The following LURAP1 variants were observed in gnomAD, a reference collection of about 807,000 sequenced individuals.
The protein encoded by LURAP1 is leucine rich adaptor protein 1.
In LURAP1, 14 loss-of-function variants were observed where a neutral mutation model predicts 19.0. The observed-to-expected ratio is 0.74, with a 90% CI of 0.49 to 1.15. The LOEUF is 1.15. LURAP1 is among the 50% of genes most tolerant of loss of function. LURAP1 has a pLI of 0.00. For synonymous variants in LURAP1, 129 were observed against 131.8 expected, an observed-to-expected ratio of 0.98 and a Z score of 0.14; for missense variants, 273 against 309.1, an observed-to-expected ratio of 0.88 and a Z score of 0.87.
At chr1:46,209,889 C>A (rs2148242312) in intron 1 of LURAP1, among the ~76,000 whole-genome samples, 2 of 152,232 alleles carry the variant, frequency 1.3e-5, no homozygotes, top group Middle Eastern at 6.8e-3. Flanking sequence ...GAGGGGAAAA[C>A]AGCAGGACAA....
At chr1:46,209,795 G>A (rs1441768260) in intron 1 of LURAP1, among the ~76,000 whole-genome samples, 1 of 152,078 alleles carries the variant, frequency 6.6e-6, no homozygotes, top group Non-Finnish European at 1.5e-5. Flanking sequence ...ACAAGCATGA[G>A]CCACCATGCA....
rs200199469 is a variant in LURAP1 at position 46,203,553 on chromosome 1, C to A, written c.127C>A (p.Leu43Met). 43 of 1,568,970 alleles carry A rather than the reference C, an allele frequency of 2.7e-5. No homozygotes were observed. The highest frequency in any genetic ancestry group is 2.7e-4 in the Admixed American group (14 of 52,190). ...GECELGTSGALLLPGASSTGH... is the reference protein window; with the variant it reads ...GECELGTSGAMLLPGASSTGH... ...GTGTGAGCTGGGAACCTCTGGCGCC[C>A]TGCTGCTCCCAGGGGCGTCTAGCAC... is the stretch of plus-strand genomic sequence containing the variant. Residue 43 changes from leucine to methionine, a missense_variant, in exon 1 of 2, where the codon CTG (leucine) becomes ATG (methionine). Leu to Met is a conservative substitution (Grantham distance 15). Coordinates refer to ENST00000371980, the MANE Select transcript of LURAP1 (RefSeq NM_001013615.3).
At chr1:46,215,864 C>T (rs1433088533) in intron 1 of LURAP1, among the ~76,000 whole-genome samples, 2 of 152,238 alleles carry the variant, frequency 1.3e-5, no homozygotes, top group East Asian at 1.9e-4. Context: ...GCCACCACTG[C>T]ACTCCAGCCT....
chr1:46,203,448 C>G lies in LURAP1; in HGVS notation c.22C>G (p.Gln8Glu). The stretch of plus-strand genomic sequence containing the variant: ...CCGCATGGAGGGGACCGTGGAGTCC[C>G]AGACGCCTGACCTGCGGGATGTGGA... The part of the protein sequence containing the change: MEGTVES[Q>E]TPDLRDVEGK... Residue 8 changes from glutamine to glutamate, a missense_variant, in exon 1 of 2, where the codon CAG becomes GAG. Transcript: ENST00000371980. The G allele has an allele frequency of 1.3e-6, 2 of 1,489,456 alleles. No individual in the cohort carries two copies. The highest frequency in any genetic ancestry group is 1.8e-6 in the Non-Finnish European group (2 of 1,120,110). 92.3% of individuals were successfully genotyped at this position (1,489,456 alleles called of 1,614,324 possible).
intron 1 of LURAP1, among the ~76,000 whole-genome samples, chr1:46,212,168 A>G (rs1435755098): frequency 6.6e-6 from 1 of 152,190 alleles, no homozygotes; most frequent in Non-Finnish European, 1.5e-5. Flanking sequence ...TACAAAAAAC[A>G]TTTACTGTGT....
In LURAP1 at chr1:46,208,900, G is replaced by C. The variant is rs188966765; in HGVS notation, c.198+5276G>C. Among the ~76,000 whole-genome samples, 374 of 152,238 alleles carry C rather than the reference G, an allele frequency of 2.5e-3. 1 individual carries two copies. Among genetic ancestry groups the C allele is most frequent in the African/African-American group, 8.7e-3 (363 of 41,550 alleles). ...AGGCATGAAGCCGTTATGACAATGA[G>C]AATAAGAGACAAGGTAATAGGAACA... is the stretch of plus-strand genomic sequence containing the variant. On this transcript the variant is annotated intron_variant, in intron 1 of 1. Coordinates refer to ENST00000371980, the MANE Select transcript of LURAP1 (RefSeq NM_001013615.3).
chr1:46,214,056 C>T (rs1658984723), intron 1 of LURAP1, among the ~76,000 whole-genome samples: 1 of 151,920 alleles, frequency 6.6e-6, no homozygotes, highest in South Asian at 2.1e-4. Context: ...TAGGAAAAAG[C>T]AACTTGAGGC....
intron 1 of LURAP1, among the ~76,000 whole-genome samples, chr1:46,216,359 T>C (rs1659071051): frequency 6.6e-6 from 1 of 151,852 alleles, no homozygotes; most frequent in African/African-American, 2.4e-5. Context: ...TTTTATCTTA[T>C]TTGAGAGAAA....
intron 1 of LURAP1, among the ~76,000 whole-genome samples, chr1:46,216,983 T>C (rs569377501): frequency 6.6e-6 from 1 of 152,328 alleles, no homozygotes; most frequent in South Asian, 2.1e-4. Context: ...TTATATCTTA[T>C]GGATGTGTAA....
At chr1:46,205,190 G>A (rs1658672592) in intron 1 of LURAP1, among the ~76,000 whole-genome samples, 1 of 152,160 alleles carries the variant, frequency 6.6e-6, no homozygotes, top group Non-Finnish European at 1.5e-5. Flanking sequence ...CCCAGGAAGA[G>A]GAGGTTGCAG....
chr1:46,217,117 A>C (rs987231705), intron 1 of LURAP1, among the ~76,000 whole-genome samples: 1 of 152,236 alleles, frequency 6.6e-6, no homozygotes, highest in African/African-American at 2.4e-5. Flanking sequence ...AAGATATGGA[A>C]TCTAAGAAAC....
chr1:46,207,009 A>G (rs1347905489), intron 1 of LURAP1, among the ~76,000 whole-genome samples: 1 of 152,102 alleles, frequency 6.6e-6, no homozygotes, highest in African/African-American at 2.4e-5. Context: ...GTCGATTTCA[A>G]ATTGGAAGGA....
intron 1 of LURAP1, among the ~76,000 whole-genome samples, chr1:46,213,718 T>C (rs1658975182): frequency 6.6e-6 from 1 of 152,064 alleles, no homozygotes; most frequent in Admixed American, 6.6e-5. Context: ...AGACTTTGTC[T>C]CTACAAAAAC....
At chr1:46,211,439 G>GCACACATACA (rs764949785) in intron 1 of LURAP1, among the ~76,000 whole-genome samples, 1,226 of 79,028 alleles carry the variant, frequency 0.016, 19 homozygotes, top group East Asian at 0.051. Context: ...ATGAAAACCT[G>GCACACATACA]CACACACACA....
intron 1 of LURAP1, among the ~76,000 whole-genome samples, chr1:46,218,625 G>C (rs1261538384): frequency 6.6e-6 from 1 of 152,200 alleles, no homozygotes; most frequent in East Asian, 1.9e-4. Flanking sequence ...GCAGTGCAAT[G>C]CCTATAAAGG....
chr1:46,220,365 G>GGGACTAGAGAAA lies in LURAP1; in HGVS notation c.*145_*146insGGACTAGAGAAA. 1.2e-6 allele frequency: 1 copy of GGGACTAGAGAAA among 823,420 alleles called. No homozygotes were observed. The highest frequency in any genetic ancestry group is 1.9e-6 in the Non-Finnish European group (1 of 534,972). The allele number at this position is 823,420 out of a possible 1,614,324, so 51.0% of individuals were successfully genotyped here. On this transcript the variant is annotated 3_prime_UTR_variant, in exon 2 of 2. Coordinates refer to ENST00000371980, the MANE Select transcript of LURAP1 (RefSeq NM_001013615.3). ...GGAAACCTGGCTCATCATTTCTCTA[G>GGGACTAGAGAAA]TCCCTAGGGAGTCTCTGCCTTTATC...
At chr1:46,208,993 C>A (rs984614286) in intron 1 of LURAP1, among the ~76,000 whole-genome samples, 1 of 152,126 alleles carries the variant, frequency 6.6e-6, no homozygotes, top group Non-Finnish European at 1.5e-5. Context: ...TGCTCAGTCC[C>A]GAGCCAGCAG....
chr1:46,208,234 C>T (rs149876597), intron 1 of LURAP1, among the ~76,000 whole-genome samples: 102 of 152,172 alleles, frequency 6.7e-4, no homozygotes, highest in African/African-American at 2.3e-3. Flanking sequence ...CTCAAGCAGT[C>T]CGTTTGTGTC....
At chr1:46,218,757 A>C (rs1488328116) in intron 1 of LURAP1, among the ~76,000 whole-genome samples, 1 of 151,858 alleles carries the variant, frequency 6.6e-6, no homozygotes, top group Non-Finnish European at 1.5e-5. Flanking sequence ...AGACAGGTAG[A>C]CTGGTGTGTA....
Sources: gnomAD v4.1 joint callset for allele counts (sites outside exome capture counted in the v4.1 genomes callset) on GRCh38, gnomAD v4.1.1 for gene constraint, MANE v1.5 for transcripts, NCBI Gene and HGNC (gene_info 2026-07-23, HGNC 2026-07-21) for gene names.